TBCK: variants seen among roughly 807,000 people sequenced by gnomAD.
TBCK encodes TBC domain-containing protein kinase-like protein.
TBCK carries 99 observed loss-of-function variants against 113.4 expected under a neutral mutation model. That is an observed-to-expected ratio of 0.87 (90% CI 0.74 to 1.03). The LOEUF is 1.03. Ranked by LOEUF, TBCK falls within the 50% of genes least tolerant of loss-of-function variation. The pLI, the probability that TBCK is intolerant of heterozygous loss-of-function variation, is 0.00. For synonymous variants in TBCK, 369 were observed against 370.8 expected (o/e 1.00, Z 0.05); for missense variants, 1,045 against 1,061.3 (o/e 0.98, Z 0.21).
At chr4:106,297,628 A>G (rs539807459) in intron 2 of TBCK, 1 of 152,246 alleles carries the variant, frequency 6.6e-6, no homozygotes, top group African/African-American at 2.4e-5. Context: ...CTCCCTCTCT[A>G]GCTTCATCTA....
intron 23 of TBCK, among the ~76,000 whole-genome samples, chr4:106,130,651 G>T (rs1169956324): frequency 6.7e-6 from 1 of 150,024 alleles, no homozygotes; most frequent in Non-Finnish European, 1.5e-5. Context: ...TGCAAAAGTG[G>T]TTATTTCTGA....
Position 106,171,288 on chromosome 4 carries a change from A to C in TBCK, c.2060-18T>G. The stretch of plus-strand genomic sequence containing the variant: ...GTCAATTTCTAGATAGAAATGTTTT[A>C]AAAAAGCAAATGTATAGAATTTAGA... On this transcript the variant is annotated intron_variant, in intron 22 of 25. Coordinates refer to ENST00000394708, the MANE Select transcript of TBCK (RefSeq NM_001163435.3). 6.3e-7 allele frequency: 1 copy of C among 1,588,084 alleles called. No homozygotes were observed. The highest frequency in any genetic ancestry group is 8.6e-7 in the Non-Finnish European group (1 of 1,166,104).
At chr4:106,068,971 G>A (rs1314990121) in intron 25 of TBCK, among the ~76,000 whole-genome samples, 9 of 135,316 alleles carry the variant, frequency 6.7e-5, no homozygotes, top group Admixed American at 1.5e-4. Flanking sequence ...CATGTCCTTC[G>A]CCCACTTTTT....
intron 24 of TBCK, among the ~76,000 whole-genome samples, chr4:106,109,489 A>G (rs934733958): frequency 6.6e-6 from 1 of 152,212 alleles, no homozygotes; most frequent in South Asian, 2.1e-4. Context: ...TGACCATCTG[A>G]TCTCTGACAA....
In TBCK at chr4:106,308,855, T is replaced by C; in HGVS notation, c.106A>G (p.Ile36Val). 1.9e-6 allele frequency: 3 copies of C among 1,614,178 alleles called. No homozygotes were observed. Among genetic ancestry groups the C allele is most frequent in the Non-Finnish European group, 1.7e-6 (2 of 1,180,018 alleles). The change falls in exon 2 of 26, where the codon ATC becomes GTC. Residue 36 changes from isoleucine to valine, a missense_variant. Physicochemically the swap from Ile to Val is conservative, Grantham distance 29 (BLOSUM62 3). Transcript: ENST00000394708. The stretch of plus-strand genomic sequence containing the variant: ...ATTTGAAAGCGCCCTAAAATTTTGA[T>C]GGAATTTGGTGTGAGAGGAAGTCCA... Reference protein sequence around the residue: ...SNGLPLTPNSIKILGRFQILK... With the variant: ...SNGLPLTPNSVKILGRFQILK...
chr4:106,316,499 C>T (rs80024327), upstream of TBCK: 1,475 of 1,532,452 alleles, frequency 9.6e-4, 14 homozygotes, highest in African/African-American at 0.018. Flanking sequence ...GCAAGGACAC[C>T]TCATTGGGTC....
intron 25 of TBCK, among the ~76,000 whole-genome samples, chr4:106,092,943 C>CG (rs1740479176): frequency 6.6e-6 from 1 of 152,188 alleles, no homozygotes; most frequent in Non-Finnish European, 1.5e-5. Flanking sequence ...TGCCAGCATG[C>CG]TGTCACCTCT....
intron 5 of TBCK, among the ~76,000 whole-genome samples, chr4:106,253,241 G>A (rs374020293): frequency 2.4e-4 from 36 of 152,178 alleles, no homozygotes; most frequent in African/African-American, 7.9e-4. Context: ...CTGGAATTAG[G>A]ATGACTGTAT....
chr4:106,221,669 CA>C (rs200025989), intron 19 of TBCK, among the ~76,000 whole-genome samples: 31 of 138,844 alleles, frequency 2.2e-4, no homozygotes, highest in East Asian at 4.2e-4. Flanking sequence ...AGAGTAGTTA[CA>C]AAAAAAAAAG....
chr4:106,194,792 A>G, intron 20 of TBCK, 38 bp from the exon 21 acceptor site: 1 of 1,516,204 alleles, frequency 6.6e-7, no homozygotes, highest in Non-Finnish European at 8.9e-7. Flanking sequence ...ATGGATAAAA[A>G]GGAAATAAAA....
intron 3 of TBCK, among the ~76,000 whole-genome samples, chr4:106,294,747 C>T (rs1766102404): frequency 6.6e-6 from 1 of 152,024 alleles, no homozygotes; most frequent in Non-Finnish European, 1.5e-5. Context: ...TCCCAAAGTG[C>T]TGGCATTACA....
chr4:106,088,086 A>G (rs1739726034), intron 25 of TBCK, among the ~76,000 whole-genome samples: 1 of 152,270 alleles, frequency 6.6e-6, no homozygotes, highest in Non-Finnish European at 1.5e-5. Context: ...TTGTAACAAA[A>G]GCCAAAATTG....
chr4:106,289,542 G>A (rs911952881), intron 3 of TBCK, among the ~76,000 whole-genome samples: 26 of 151,976 alleles, frequency 1.7e-4, no homozygotes, highest in Admixed American at 5.9e-4. Flanking sequence ...AGGCTGAGGC[G>A]GGCAGATCAT....
chr4:106,145,195 G>A lies in TBCK; in HGVS notation c.2235+25900C>T, dbSNP rs556078329. The stretch of plus-strand genomic sequence containing the variant: ...TAGCTGGGAGTGGTCGCGTGAGCCT[G>A]TAGTCCCAGCTACTTGTGAGGCTGA... On this transcript the variant is annotated intron_variant, in intron 23 of 25. Coordinates refer to ENST00000394708, the MANE Select transcript of TBCK (RefSeq NM_001163435.3). 2.0e-5 allele frequency among the ~76,000 whole-genome samples: 3 copies of A among 151,874 alleles called. No homozygotes were observed. In the South Asian group the frequency reaches 6.3e-4, roughly 32 times the overall value.
rs574736298 is a variant in TBCK at position 106,106,239 on chromosome 4, A to G, written c.2411+9964T>C. Among the ~76,000 whole-genome samples the G allele has an allele frequency of 2.6e-5, 4 of 152,328 alleles. No homozygotes were observed. The South Asian group carries it at 8.3e-4, about 32-fold the overall frequency. On this transcript the variant is annotated intron_variant, in intron 24 of 25. Coordinates refer to ENST00000394708, the MANE Select transcript of TBCK (RefSeq NM_001163435.3). ...ATGTATTTCAGGATATCTTCCATGA[A>G]AACTTCCCTAACCTTGCTAAAGAGG... is the stretch of plus-strand genomic sequence containing the variant.
At chr4:106,259,455 T>C (rs1234917986) in intron 5 of TBCK, among the ~76,000 whole-genome samples, 1 of 152,000 alleles carries the variant, frequency 6.6e-6, no homozygotes, top group East Asian at 1.9e-4. Context: ...CTAGGTTAGA[T>C]AATAATACTG....
At chr4:106,295,192 T>C (rs1277869067) in intron 2 of TBCK, 26 bp from the exon 3 acceptor site, 2 of 1,604,978 alleles carry the variant, frequency 1.2e-6, no homozygotes, top group Non-Finnish European at 1.7e-6. Context: ...CAAACCCATG[T>C]TATATTTTAT....
chr4:106,062,656 C>T (rs1034894057), intron 25 of TBCK, among the ~76,000 whole-genome samples: 5 of 151,852 alleles, frequency 3.3e-5, no homozygotes, highest in Non-Finnish European at 5.9e-5. Flanking sequence ...CAGCCACAGA[C>T]ATTCCTGTGG....
chr4:106,159,008 G>T (rs1749434594), intron 23 of TBCK, among the ~76,000 whole-genome samples: 1 of 147,614 alleles, frequency 6.8e-6, no homozygotes, highest in Non-Finnish European at 1.5e-5. Context: ...CAATCCATAT[G>T]ATACATTACA....
Sources: gnomAD v4.1 joint callset for allele counts (sites outside exome capture counted in the v4.1 genomes callset) on GRCh38, gnomAD v4.1.1 for gene constraint, MANE v1.5 for transcripts, NCBI Gene and HGNC (gene_info 2026-07-23, HGNC 2026-07-21) for gene names.